The following TTC28 variants were observed in gnomAD, a reference collection of about 807,000 sequenced individuals.
TTC28 encodes tetratricopeptide repeat protein 28.
TTC28 carries 61 observed loss-of-function variants against 198.0 expected under a neutral mutation model. That is an observed-to-expected ratio of 0.31 (90% CI 0.25 to 0.38). TTC28 has a LOEUF of 0.38. Among genes scored for constraint, TTC28 ranks in the 10% least tolerant of loss-of-function variants. TTC28 has a pLI of 1.00. For synonymous variants in TTC28, 1,171 were observed against 1,297.8 expected (o/e 0.90, Z 2.10); for missense variants, 2,678 against 3,164.0 (o/e 0.85, Z 3.69).
intron 13 of TTC28, chr22:28,029,201 C>T (rs921125268): frequency 1.4e-5 from 6 of 444,014 alleles, no homozygotes; most frequent in Non-Finnish European, 2.8e-5. Context: ...GAAGTTTTGG[C>T]CTCCTTACAA....
chr22:28,246,105 C>T (rs905735000), intron 5 of TTC28, among the ~76,000 whole-genome samples: 5 of 152,130 alleles, frequency 3.3e-5, no homozygotes, highest in African/African-American at 1.2e-4. Context: ...TCTTTAAGAG[C>T]CCAACATCGT....
At chr22:28,053,085 G>C (rs1018058131) in intron 12 of TTC28, among the ~76,000 whole-genome samples, 2 of 152,264 alleles carry the variant, frequency 1.3e-5, no homozygotes, top group Non-Finnish European at 2.9e-5. Context: ...GTTGGTGCTA[G>C]AGAACCTGTC....
At chr22:28,438,493 C>T (rs1327200120) in intron 2 of TTC28, among the ~76,000 whole-genome samples, 2 of 152,112 alleles carry the variant, frequency 1.3e-5, no homozygotes, top group Non-Finnish European at 2.9e-5. Flanking sequence ...TCATATGACT[C>T]TCAAATGACA....
In TTC28 at chr22:28,291,674, T is replaced by C. The variant is rs1474376739; in HGVS notation, c.933+4524A>G. On this transcript the variant is annotated intron_variant, in intron 5 of 22. Transcript: ENST00000397906. ...AGTATAAGAAGCCTTACTATGTTTA[T>C]TCCAAACCAGCCCACTTCTAATAAT... Among the ~76,000 whole-genome samples the C allele has an allele frequency of 2.0e-5, 3 of 152,202 alleles. No individual in the cohort carries two copies. In the East Asian group the frequency reaches 5.8e-4, roughly 29 times the overall value.
chr22:28,449,029 T>C (rs1340012587), intron 2 of TTC28, among the ~76,000 whole-genome samples: 1 of 152,134 alleles, frequency 6.6e-6, no homozygotes, highest in Non-Finnish European at 1.5e-5. Context: ...ACACAACTAA[T>C]AAAAATAATA....
intron 5 of TTC28, among the ~76,000 whole-genome samples, chr22:28,188,162 G>A (rs1393381624): frequency 1.3e-5 from 2 of 152,150 alleles, no homozygotes; most frequent in Non-Finnish European, 2.9e-5. Flanking sequence ...GAAACCCCTA[G>A]TTTGCAACTT....
intron 2 of TTC28, among the ~76,000 whole-genome samples, chr22:28,627,146 C>T (rs558762283): frequency 1.2e-3 from 186 of 152,140 alleles, no homozygotes; most frequent in Middle Eastern, 3.4e-3. Flanking sequence ...ATATGCAAAA[C>T]CTTGCTAGAA....
chr22:28,446,275 G>A (rs2047699568), intron 2 of TTC28, among the ~76,000 whole-genome samples: 1 of 151,924 alleles, frequency 6.6e-6, no homozygotes, highest in Non-Finnish European at 1.5e-5. Flanking sequence ...ATGGGGTGTG[G>A]GGGTGGGAGG....
chr22:28,112,949 T>C (rs1441825121), intron 6 of TTC28, among the ~76,000 whole-genome samples: 2 of 152,184 alleles, frequency 1.3e-5, no homozygotes, highest in Admixed American at 6.5e-5. Context: ...TCTCCACCTA[T>C]GGGTCAAGAA....
chr22:28,354,886 A>G (rs2046051289), intron 2 of TTC28, among the ~76,000 whole-genome samples: 1 of 151,684 alleles, frequency 6.6e-6, no homozygotes, highest in Admixed American at 6.6e-5. Context: ...GGTTAGTTAC[A>G]TATGTATACA....
intron 8 of TTC28, among the ~76,000 whole-genome samples, chr22:28,103,827 A>G (rs542134319): frequency 6.6e-6 from 1 of 152,366 alleles, no homozygotes; most frequent in Non-Finnish European, 1.5e-5. Flanking sequence ...GTACAAAAGA[A>G]CACAGCTGAA....
intron 2 of TTC28, among the ~76,000 whole-genome samples, chr22:28,558,450 G>T (rs2049818732): frequency 6.6e-6 from 1 of 151,706 alleles, no homozygotes; most frequent in Non-Finnish European, 1.5e-5. Context: ...GAGGCAGGTG[G>T]ATCACCTGAG....
chr22:27,997,859 G>C (rs979235220), intron 16 of TTC28: 6 of 152,598 alleles, frequency 3.9e-5, no homozygotes, highest in African/African-American at 1.4e-4. Context: ...AGTCCTCTGA[G>C]TGGGACCCCA....
At chr22:28,178,866 A>C (rs900293661) in intron 5 of TTC28, among the ~76,000 whole-genome samples, 1 of 152,226 alleles carries the variant, frequency 6.6e-6, no homozygotes, top group African/African-American at 2.4e-5. Flanking sequence ...ACAATTAATA[A>C]CACCACCAGG....
chr22:28,101,620 C>G (rs930439052), intron 8 of TTC28, among the ~76,000 whole-genome samples: 1 of 151,832 alleles, frequency 6.6e-6, no homozygotes, highest in East Asian at 1.9e-4. Flanking sequence ...CCACCCACCC[C>G]GGTCTCCTAA....
intron 13 of TTC28, among the ~76,000 whole-genome samples, chr22:28,021,876 A>C (rs936704429): frequency 1.3e-5 from 2 of 152,160 alleles, no homozygotes; most frequent in African/African-American, 4.8e-5. Flanking sequence ...GAGGGGTGAG[A>C]AGGGAACTAA....
At position 28,022,902 on chromosome 22, in the gene TTC28, G is replaced by A. The variant is rs541699650; in HGVS notation, c.4073+7324C>T. Among the ~76,000 whole-genome samples, 60 of 152,356 alleles carry A rather than the reference G, an allele frequency of 3.9e-4. No individual in the cohort carries two copies. The South Asian group carries it at 0.012, about 31-fold the overall frequency. On this transcript the variant is annotated intron_variant, in intron 13 of 22. Coordinates refer to ENST00000397906, the MANE Select transcript of TTC28 (RefSeq NM_001145418.2). ...CACAAAAGGTTGTCTCCTCTGGGAG[G>A]TGAACCTGGTGAACACTGCATTTTA...
intron 2 of TTC28, among the ~76,000 whole-genome samples, chr22:28,482,992 T>C (rs2048273073): frequency 6.6e-6 from 1 of 152,226 alleles, no homozygotes; most frequent in Admixed American, 6.5e-5. Flanking sequence ...TTGGGCTGTT[T>C]CTACCTATTA....
intron 5 of TTC28, among the ~76,000 whole-genome samples, chr22:28,222,304 CAT>C (rs772705025): frequency 1.3e-5 from 2 of 152,198 alleles, no homozygotes; most frequent in Non-Finnish European, 1.5e-5. Flanking sequence ...ACAACACCCA[CAT>C]GTTTTCAAAA....
Sources: gnomAD v4.1 joint callset for allele counts (sites outside exome capture counted in the v4.1 genomes callset) on GRCh38, gnomAD v4.1.1 for gene constraint, MANE v1.5 for transcripts, NCBI Gene and HGNC (gene_info 2026-07-23, HGNC 2026-07-21) for gene names.